ESR1: variants seen among roughly 807,000 people sequenced by gnomAD.
The protein encoded by ESR1 is estrogen receptor.
In ESR1, 12 loss-of-function variants were observed where a neutral mutation model predicts 52.7. The ratio of observed to expected loss-of-function variants is 0.23; its 90% CI spans 0.15 to 0.37. The LOEUF is 0.37. ESR1 is among the 10% of genes least tolerant of loss of function. The pLI, the probability that ESR1 is intolerant of heterozygous loss-of-function variation, is 1.00. For missense variants in ESR1, 584 were observed against 779.7 expected (o/e 0.75, Z 2.99); for synonymous variants, 305 against 316.8 (o/e 0.96, Z 0.39).
chr6:151,694,189 G>A (rs147961964), intron 1 of ESR1, among the ~76,000 whole-genome samples: 25 of 152,312 alleles, frequency 1.6e-4, no homozygotes, highest in African/African-American at 4.6e-4. Flanking sequence ...ATATTACACA[G>A]CTTCAAAAGT....
rs147962430 is a variant in ESR1 at position 151,741,418 on chromosome 6, A to G, written c.-71+39413A>G. ...TACGGGATAAGGGCAGAGTATGAGT[A>G]TTTTTTGAGCCCAAAAAATAATAGT... On this transcript the variant is annotated intron_variant, in intron 2 of 2. Coordinates refer to the ESR1 transcript ENST00000404742. 4.9e-3 allele frequency among the ~76,000 whole-genome samples: 751 copies of G among 152,242 alleles called. 6 individuals carry two copies. The highest frequency in any genetic ancestry group is 0.017 in the African/African-American group (717 of 41,542).
chr6:151,865,987 C>T (rs893632727), intron 2 of ESR1, among the ~76,000 whole-genome samples: 5 of 152,192 alleles, frequency 3.3e-5, no homozygotes, highest in Non-Finnish European at 7.3e-5. Flanking sequence ...GCAGTATGAC[C>T]ATTGCGACTT....
At chr6:151,778,059 C>T (rs993675894) in intron 2 of ESR1, among the ~76,000 whole-genome samples, 3 of 152,316 alleles carry the variant, frequency 2.0e-5, no homozygotes, top group Middle Eastern at 3.4e-3. Flanking sequence ...CTACCCAAGA[C>T]GCAATTGGTT....
intron 6 of ESR1, among the ~76,000 whole-genome samples, chr6:152,086,399 TTAAA>T (rs2049722334): frequency 6.7e-6 from 1 of 148,222 alleles, no homozygotes. Flanking sequence ...TAATATTTAT[TTAAA>T]TAAATAATAT....
intron 5 of ESR1, among the ~76,000 whole-genome samples, chr6:152,036,096 A>G (rs3020430): frequency 0.44 from 66,164 of 152,100 alleles, 16,209 homozygotes; most frequent in African/African-American, 0.66. Context: ...AGGGCCAGGC[A>G]CGGTGGCTCA....
At chr6:151,864,447 G>A (rs2128293999) in intron 2 of ESR1, among the ~76,000 whole-genome samples, 1 of 152,274 alleles carries the variant, frequency 6.6e-6, no homozygotes, top group African/African-American at 2.4e-5. Flanking sequence ...GACAGGTGCT[G>A]GAGAGGATGT....
At chr6:152,106,313 C>T (rs2051066595), downstream of ESR1, among the ~76,000 whole-genome samples, 1 of 152,164 alleles carries the variant, frequency 6.6e-6, no homozygotes, top group African/African-American at 2.4e-5. Context: ...AATTTATGGA[C>T]TTTAGAAATA....
chr6:151,901,378 T>C (rs1796668430), intron 3 of ESR1, among the ~76,000 whole-genome samples: 1 of 152,212 alleles, frequency 6.6e-6, no homozygotes, highest in Non-Finnish European at 1.5e-5. Flanking sequence ...CAGCAAAGAA[T>C]GTAAGTAGGG....
At chr6:151,766,959 G>T (rs1418834747) in intron 2 of ESR1, among the ~76,000 whole-genome samples, 2 of 152,136 alleles carry the variant, frequency 1.3e-5, no homozygotes, top group East Asian at 1.9e-4. Context: ...CTACTGAAAT[G>T]GTTTAGCTTC....
At chr6:151,770,094 G>A (rs1299920140) in intron 2 of ESR1, among the ~76,000 whole-genome samples, 2 of 151,810 alleles carry the variant, frequency 1.3e-5, no homozygotes, top group East Asian at 3.9e-4. Flanking sequence ...GAATGGAATA[G>A]ATGAGTGGAG....
At chr6:151,873,741 A>G (rs1791361816) in intron 2 of ESR1, among the ~76,000 whole-genome samples, 1 of 152,250 alleles carries the variant, frequency 6.6e-6, no homozygotes, top group Admixed American at 6.5e-5. Flanking sequence ...CATCAGATTT[A>G]AAGCTGTATT....
chr6:151,843,649 CTT>C (rs1784649956), intron 2 of ESR1, among the ~76,000 whole-genome samples: 2 of 152,244 alleles, frequency 1.3e-5, no homozygotes, highest in Non-Finnish European at 2.9e-5. Context: ...ATTTTTCTCT[CTT>C]CTTATTCTTT....
intron 2 of ESR1, among the ~76,000 whole-genome samples, chr6:151,845,873 C>T (rs1785029088): frequency 6.6e-6 from 1 of 152,146 alleles, no homozygotes; most frequent in African/African-American, 2.4e-5. Flanking sequence ...CATTGACTAG[C>T]TTTACTAACA....
chr6:151,740,799 A>C (rs913931844), intron 2 of ESR1, among the ~76,000 whole-genome samples: 4 of 152,036 alleles, frequency 2.6e-5, no homozygotes, highest in African/African-American at 9.7e-5. Context: ...CTTTTTAGTC[A>C]TTGGTTTAGC....
intron 2 of ESR1, among the ~76,000 whole-genome samples, chr6:151,792,423 T>A (rs1002592273): frequency 6.6e-6 from 1 of 152,134 alleles, no homozygotes; most frequent in Admixed American, 6.6e-5. Context: ...TTACTGTATT[T>A]TTTTTTTTAC....
chr6:151,753,867 T>C (rs1784086579), intron 2 of ESR1, among the ~76,000 whole-genome samples: 1 of 152,210 alleles, frequency 6.6e-6, no homozygotes, highest in Non-Finnish European at 1.5e-5. Flanking sequence ...ACTTGCCCAC[T>C]TTTCCTCTTG....
At chr6:151,747,448 G>C (rs77670631) in intron 2 of ESR1, among the ~76,000 whole-genome samples, 2,751 of 152,140 alleles carry the variant, frequency 0.018, 67 homozygotes, top group East Asian at 0.16. Context: ...TTTCTTTCTG[G>C]GTTTTGTTGT....
intron 4 of ESR1, among the ~76,000 whole-genome samples, chr6:151,990,456 G>T (rs2040901592): frequency 6.6e-6 from 1 of 152,046 alleles, no homozygotes; most frequent in African/African-American, 2.4e-5. Context: ...TTCCTTCTGT[G>T]GCTGTGTAAT....
rs533670753 is a variant in ESR1, at chr6:151,657,134, G to A, written n.73+371G>A. On this transcript the variant is annotated intron_variant and non_coding_transcript_variant, in intron 1 of 2. Coordinates refer to the ESR1 transcript ENST00000473497. ...TTTTGTTTGTTTTAGTTTTTTCTCT[G>A]TCTATTCATATAGGGGCATCATATG... is the stretch of plus-strand genomic sequence containing the variant. 5.2e-4 allele frequency among the ~76,000 whole-genome samples: 79 copies of A among 152,092 alleles called. 1 individual carries two copies. Among genetic ancestry groups the A allele is most frequent in the South Asian group, 1.2e-3 (6 of 4,820 alleles).
Sources: allele counts gnomAD v4.1 joint callset (sites outside exome capture counted in the v4.1 genomes callset), GRCh38; gene constraint gnomAD v4.1.1; transcripts MANE v1.5; gene names NCBI Gene and HGNC (gene_info 2026-07-23, HGNC 2026-07-21).